Variants in DOCK3 observed in about 807,000 individuals in gnomAD.
The protein encoded by DOCK3 is dedicator of cytokinesis 3.
DOCK3 carries 60 observed loss-of-function variants against 265.6 expected under a neutral mutation model. The observed-to-expected ratio is 0.23, with a 90% CI of 0.18 to 0.28. The LOEUF (loss-of-function observed/expected upper bound fraction) is 0.28, where lower values mean the gene tolerates loss of function less well. DOCK3 is among the 10% of genes least tolerant of loss of function. The probability of loss-of-function intolerance (pLI) is 1.00; values close to 1 mark genes in which losing one functional copy is unlikely to be tolerated. For missense variants in DOCK3, 1,981 were observed against 2,594.3 expected, an observed-to-expected ratio of 0.76 and a Z score of 5.14; for synonymous variants, 881 against 938.0, an observed-to-expected ratio of 0.94 and a Z score of 1.11.
intron 1 of DOCK3, among the ~76,000 whole-genome samples, chr3:50,727,251 G>A (rs2037888060): frequency 6.6e-6 from 1 of 152,146 alleles, no homozygotes; most frequent in Non-Finnish European, 1.5e-5. Flanking sequence ...GTACTTTAAA[G>A]ATGAAGACAT....
intron 9 of DOCK3, among the ~76,000 whole-genome samples, chr3:51,103,079 C>G (rs1341690548): frequency 6.6e-6 from 1 of 151,196 alleles, no homozygotes; most frequent in Non-Finnish European, 1.5e-5. Context: ...TTGTAAAACT[C>G]TTTATTAAAT....
chr3:50,738,228 G>A (rs534447048), intron 1 of DOCK3, among the ~76,000 whole-genome samples: 51 of 152,302 alleles, frequency 3.3e-4, no homozygotes, highest in Non-Finnish European at 6.3e-4. Context: ...AGGTGGTCTT[G>A]GAGCCTGGGT....
chr3:51,239,446 T>C (rs1161550057), intron 21 of DOCK3, among the ~76,000 whole-genome samples: 11 of 151,960 alleles, frequency 7.2e-5, no homozygotes, highest in African/African-American at 2.4e-4. Flanking sequence ...CTGACCTGCC[T>C]CGGCCTCCCA....
chr3:50,723,869 C>T lies in DOCK3; in HGVS notation c.37+48569C>T, dbSNP rs139685089. ...GATGGGATCTAATTAAACTAAAGAG[C>T]TTCTTCACAGCAAAAGAAACTATCA... On this transcript the variant is annotated intron_variant, in intron 1 of 52. Transcript: ENST00000266037. Among the ~76,000 whole-genome samples, 201 of 152,250 alleles carry T rather than the reference C, an allele frequency of 1.3e-3. 4 individuals carry two copies. In the East Asian group the frequency reaches 0.032, roughly 24 times the overall value.
intron 27 of DOCK3, among the ~76,000 whole-genome samples, chr3:51,298,221 T>A (rs1343888364): frequency 6.6e-6 from 1 of 152,234 alleles, no homozygotes; most frequent in Non-Finnish European, 1.5e-5. Flanking sequence ...CTAGGTTATA[T>A]AATTTGTTGG....
At chr3:50,851,237 G>C (rs1405972472) in intron 3 of DOCK3, among the ~76,000 whole-genome samples, 1 of 152,212 alleles carries the variant, frequency 6.6e-6, no homozygotes, top group East Asian at 1.9e-4. Context: ...GCATGTAGCA[G>C]GGAAGGGCCC....
At chr3:51,320,515 C>A (rs542181706) in intron 32 of DOCK3, among the ~76,000 whole-genome samples, 1 of 152,214 alleles carries the variant, frequency 6.6e-6, no homozygotes, top group Non-Finnish European at 1.5e-5. Context: ...AGCCAGGGAG[C>A]CAAGGGGTCT....
chr3:50,987,283 A>T (rs935385556), intron 5 of DOCK3, among the ~76,000 whole-genome samples: 1 of 152,248 alleles, frequency 6.6e-6, no homozygotes, highest in Admixed American at 6.5e-5. Context: ...AATACATTCT[A>T]GAAATTTATC....
At chr3:50,801,045 G>T (rs1032220844) in intron 2 of DOCK3, among the ~76,000 whole-genome samples, 4 of 152,054 alleles carry the variant, frequency 2.6e-5, no homozygotes, top group Non-Finnish European at 5.9e-5. Flanking sequence ...TTTTGATCTT[G>T]TTATAAATAA....
At chr3:50,860,458 T>C (rs1410228249) in intron 3 of DOCK3, among the ~76,000 whole-genome samples, 2 of 152,188 alleles carry the variant, frequency 1.3e-5, no homozygotes, top group African/African-American at 4.8e-5. Context: ...TACAATAATC[T>C]GGCCACTTTT....
intron 5 of DOCK3, among the ~76,000 whole-genome samples, chr3:51,054,194 G>A (rs182522100): frequency 2.8e-5 from 4 of 143,912 alleles, no homozygotes; most frequent in East Asian, 4.3e-4. Context: ...TATTTAAAAT[G>A]TATTTAGCTT....
Position 51,338,354 on chromosome 3 carries a change from TC to T in DOCK3, c.3612-3del, listed in dbSNP as rs758930145. ...TCTGGTGCTCATCTGTGCTCTCTCT[TC>T]CAGGGACTGCATGAAAGGAGAGGAA... On this transcript the variant is annotated splice_region_variant and splice_polypyrimidine_tract_variant and intron_variant, in intron 35 of 52. Transcript: ENST00000266037. 84 of 1,551,542 alleles carry T rather than the reference TC, an allele frequency of 5.4e-5. No homozygotes were observed. The highest frequency in any genetic ancestry group is 1.4e-5 in the African/African-American group (1 of 73,038).
At chr3:51,300,787 T>C (rs1022018143) in intron 27 of DOCK3, among the ~76,000 whole-genome samples, 15 of 152,242 alleles carry the variant, frequency 9.9e-5, no homozygotes, top group African/African-American at 3.4e-4. Context: ...TTTGATGTGC[T>C]GGTGGATTTG....
chr3:50,798,987 G>T (rs1416678975), intron 2 of DOCK3, among the ~76,000 whole-genome samples: 1 of 152,064 alleles, frequency 6.6e-6, no homozygotes, highest in Admixed American at 6.5e-5. Context: ...TGGTCCTTTT[G>T]CCAATGAATG....
At chr3:51,329,816 A>T (rs1439968640) in intron 32 of DOCK3, among the ~76,000 whole-genome samples, 1 of 152,210 alleles carries the variant, frequency 6.6e-6, no homozygotes, top group Non-Finnish European at 1.5e-5. Flanking sequence ...GGGGAAAAAA[A>T]CATCTGAAAA....
intron 5 of DOCK3, among the ~76,000 whole-genome samples, chr3:51,000,543 G>A (rs141324368): frequency 6.8e-4 from 104 of 152,260 alleles, no homozygotes; most frequent in African/African-American, 2.5e-3. Context: ...CTTTTTCTTG[G>A]TTTAGCATTT....
Position 51,358,044 on chromosome 3 carries a change from T to A in DOCK3, c.4851T>A (p.Asp1617Glu). 6.2e-7 allele frequency: 1 copy of A among 1,613,948 alleles called. No homozygotes were observed. The highest frequency in any genetic ancestry group is 1.1e-5 in the South Asian group (1 of 91,084). Reference protein sequence around the residue: ...EMRPLHKKLIDQFQMMRASLY... With the variant: ...EMRPLHKKLIEQFQMMRASLY... ...GGCCTCTGCATAAGAAGCTAATTGA[T>A]CAGTTCCAGATGATGCGGGCCAGTC... The change falls in exon 46 of 53, where the codon GAT becomes GAA. Residue 1617 changes from aspartate to glutamate, a missense_variant. Transcript: ENST00000266037.
chr3:50,948,653 T>C (rs983491959), intron 5 of DOCK3, among the ~76,000 whole-genome samples: 1 of 152,000 alleles, frequency 6.6e-6, no homozygotes, highest in African/African-American at 2.4e-5. Flanking sequence ...TCCTCTTTTA[T>C]TTTTTTCTTG....
intron 3 of DOCK3, among the ~76,000 whole-genome samples, chr3:50,849,254 C>G (rs911022424): frequency 6.6e-6 from 1 of 151,484 alleles, no homozygotes; most frequent in South Asian, 2.1e-4. Context: ...GAGCTGGTTT[C>G]GAATTCCTGG....
Sources: gnomAD v4.1 joint callset for allele counts (sites outside exome capture counted in the v4.1 genomes callset) on GRCh38, gnomAD v4.1.1 for gene constraint, MANE v1.5 for transcripts, NCBI Gene and HGNC (gene_info 2026-07-23, HGNC 2026-07-21) for gene names.